Variants in ARL13B observed in about 807,000 individuals in gnomAD.
The protein encoded by ARL13B is ADP-ribosylation factor-like protein 13B.
A neutral mutation model predicts 56.1 loss-of-function variants in ARL13B; 36 were observed. That is an observed-to-expected ratio of 0.64 (90% CI 0.49 to 0.85). The LOEUF is 0.85. ARL13B is among the 40% of genes least tolerant of loss of function. The pLI is 0.00. For missense variants in ARL13B, 519 were observed against 507.1 expected, an observed-to-expected ratio of 1.02 and a Z score of -0.23; for synonymous variants, 178 against 171.1, an observed-to-expected ratio of 1.04 and a Z score of -0.32.
intron 3 of ARL13B, among the ~76,000 whole-genome samples, chr3:94,015,607 TACCTTCA>T (rs1357901982): frequency 3.5e-4 from 53 of 152,312 alleles, no homozygotes; most frequent in African/African-American, 1.2e-3. Context: ...CTTTTGACTA[TACCTTCA>T]ACCTATAGGA....
At chr3:94,010,041 G>T (rs2076198267) in intron 3 of ARL13B, among the ~76,000 whole-genome samples, 1 of 152,108 alleles carries the variant, frequency 6.6e-6, no homozygotes, top group African/African-American at 2.4e-5. Context: ...CAAAATTTTT[G>T]AGGGTGAGAC....
intron 7 of ARL13B, among the ~76,000 whole-genome samples, chr3:94,045,514 G>T (rs1424545398): frequency 6.6e-6 from 1 of 150,528 alleles, no homozygotes; most frequent in East Asian, 1.9e-4. Context: ...CTGATCTGTA[G>T]ATTTAAGGCA....
intron 3 of ARL13B, among the ~76,000 whole-genome samples, chr3:94,023,394 C>T (rs1211761552): frequency 6.6e-6 from 1 of 151,806 alleles, no homozygotes; most frequent in East Asian, 1.9e-4. Context: ...TCTGAAATTT[C>T]ACAACAATGT....
intron 3 of ARL13B, among the ~76,000 whole-genome samples, chr3:94,029,338 A>ATTTTTT (rs1272624458): frequency 6.8e-5 from 4 of 59,022 alleles, no homozygotes; most frequent in Non-Finnish European, 1.0e-4. Context: ...ATATATATTT[A>ATTTTTT]TTTTTTTTTT....
intron 1 of ARL13B, among the ~76,000 whole-genome samples, chr3:93,992,737 C>G (rs1309374103): frequency 2.6e-5 from 4 of 152,080 alleles, no homozygotes; most frequent in Non-Finnish European, 5.9e-5. Context: ...TTACTTTAGT[C>G]CAATTCATTA....
At chr3:94,022,318 G>T (rs2076465355) in intron 3 of ARL13B, among the ~76,000 whole-genome samples, 1 of 151,948 alleles carries the variant, frequency 6.6e-6, no homozygotes, top group African/African-American at 2.4e-5. Context: ...TAGAGATGGG[G>T]TTTTACCATG....
rs143828740 is a variant in ARL13B at position 93,980,161 on chromosome 3, C to G, written c.-263C>G. 1.6e-6 allele frequency: 1 copy of G among 634,054 alleles called. No individual in the cohort carries two copies. Among genetic ancestry groups the G allele is most frequent in the Non-Finnish European group, 2.9e-6 (1 of 347,662 alleles). 39.3% of individuals were successfully genotyped at this position (634,054 alleles called of 1,614,324 possible). ...GTCAGCACGTCGACGCGGGGCTTTT[C>G]TTTAGCCGGGTCCCGCTAACTCGGC... On this transcript the variant is annotated 5_prime_UTR_variant, in exon 1 of 10. Transcript: ENST00000394222.
intron 3 of ARL13B, among the ~76,000 whole-genome samples, chr3:94,017,669 G>T (rs2107502973): frequency 6.6e-6 from 1 of 152,282 alleles, no homozygotes; most frequent in East Asian, 1.9e-4. Context: ...CAATTTAAAA[G>T]ATAAACGGGA....
chr3:94,004,000 T>G, intron 3 of ARL13B, 92 bp downstream of exon 3: 1 of 1,565,726 alleles, frequency 6.4e-7, no homozygotes, highest in Non-Finnish European at 8.7e-7. Context: ...TAAGCTAAAA[T>G]AGTCACGCTT....
rs770156572 is a variant in ARL13B, at chr3:94,039,871, A to G, written c.690-9A>G. The G allele has an allele frequency of 3.7e-6, 6 of 1,613,170 alleles. No individual in the cohort carries two copies. The South Asian group carries it at 5.5e-5, about 15-fold the overall frequency. On this transcript the variant is annotated splice_polypyrimidine_tract_variant and intron_variant, in intron 5 of 9. Coordinates refer to ENST00000394222, the MANE Select transcript of ARL13B (RefSeq NM_001174150.2). ...AAGGAAATTTCAATTATTTTTCCTC[A>G]AACGATAGAAAACAAAATGAACAGG...
At chr3:94,019,595 A>G (rs1575991298) in intron 3 of ARL13B, among the ~76,000 whole-genome samples, 1 of 135,916 alleles carries the variant, frequency 7.4e-6, no homozygotes, top group Non-Finnish European at 1.6e-5. Context: ...CCCCCACCAC[A>G]AAACCTCTGG....
rs1331304999 is a variant in ARL13B, at chr3:94,043,088, A to G, written c.872A>G (p.His291Arg). ...EKDSDGCHLK[H>R]KMEHEQIETQ... ...GACAGTGATGGCTGCCACCTGAAAC[A>G]TAAAATGGAGCATGAGCAAATAGAG... Residue 291 changes from histidine to arginine, a missense_variant, in exon 7 of 10, where the codon CAT (histidine) becomes CGT (arginine). Coordinates refer to ENST00000394222, the MANE Select transcript of ARL13B (RefSeq NM_001174150.2). 2 of 1,613,684 alleles carry G rather than the reference A, an allele frequency of 1.2e-6. No homozygotes were observed. Among genetic ancestry groups the G allele is most frequent in the East Asian group, 4.5e-5 (2 of 44,830 alleles).
At chr3:94,042,565 A>G (rs770374726) in intron 6 of ARL13B, among the ~76,000 whole-genome samples, 8 of 152,184 alleles carry the variant, frequency 5.3e-5, no homozygotes, top group Non-Finnish European at 1.2e-4. Context: ...ATGGAAAGAA[A>G]TGTATATTCT....
chr3:94,008,369 A>G (rs548551672), intron 3 of ARL13B, among the ~76,000 whole-genome samples: 3 of 152,258 alleles, frequency 2.0e-5, no homozygotes, highest in Non-Finnish European at 2.9e-5. Context: ...AAATACAAAC[A>G]AAAAACCTTC....
chr3:94,006,681 T>C (rs2076141302), intron 3 of ARL13B, among the ~76,000 whole-genome samples: 1 of 152,176 alleles, frequency 6.6e-6, no homozygotes, highest in African/African-American at 2.4e-5. Context: ...AGTGAAACAA[T>C]ACAAGAATAT....
chr3:94,018,805 C>T (rs1318835239), intron 3 of ARL13B, among the ~76,000 whole-genome samples: 1 of 152,060 alleles, frequency 6.6e-6, no homozygotes, highest in Non-Finnish European at 1.5e-5. Flanking sequence ...TCACTCTGTC[C>T]CCTAGGCCGG....
In ARL13B at chr3:94,003,784, T is replaced by G; in HGVS notation, c.256T>G (p.Tyr86Asp). 1 of 1,613,796 alleles carries G rather than the reference T, an allele frequency of 6.2e-7. No individual in the cohort carries two copies. The highest frequency in any genetic ancestry group is 8.5e-7 in the Non-Finnish European group (1 of 1,179,768). The change falls in exon 3 of 10, where the codon TAT becomes GAT. Residue 86 changes from tyrosine (Y) to aspartate (D), a missense_variant. Coordinates refer to ENST00000394222, the MANE Select transcript of ARL13B (RefSeq NM_001174150.2). ...AATTCGGGGAATCTGGAAGAATTACTATGCTGAATCCTATGGGGTAATATT... is the reference window on the plus strand; with the variant it reads ...AATTCGGGGAATCTGGAAGAATTACGATGCTGAATCCTATGGGGTAATATT... ...IRIRGIWKNY[Y>D]AESYGVIFVV...
chr3:94,037,211 G>T (rs1019227990), intron 5 of ARL13B, among the ~76,000 whole-genome samples: 1 of 152,134 alleles, frequency 6.6e-6, no homozygotes, highest in Admixed American at 6.5e-5. Context: ...GAATTATCAG[G>T]CTTAATATGT....
In ARL13B at chr3:94,055,134, C is replaced by G. The variant is rs373781464; in HGVS notation, c.*1871C>G. ...GCTCTCTCAAAAATTAATTTTTATT[C>G]CTTAAGCATTTTAAAAACATTTTAA... is the stretch of plus-strand genomic sequence containing the variant. On this transcript the variant is annotated 3_prime_UTR_variant, in exon 10 of 10. Coordinates refer to ENST00000394222, the MANE Select transcript of ARL13B (RefSeq NM_001174150.2). The G allele has an allele frequency of 3.6e-5, 13 of 364,392 alleles. No homozygotes were observed. Among genetic ancestry groups the G allele is most frequent in the South Asian group, 1.9e-4 (9 of 46,238 alleles). 22.6% of individuals were successfully genotyped at this position (364,392 alleles called of 1,614,324 possible).
Sources: allele counts gnomAD v4.1 joint callset (sites outside exome capture counted in the v4.1 genomes callset), GRCh38; gene constraint gnomAD v4.1.1; transcripts MANE v1.5; gene names NCBI Gene and HGNC (gene_info 2026-07-23, HGNC 2026-07-21).